LRRC4C: variants seen among roughly 807,000 people sequenced by gnomAD.
The protein encoded by LRRC4C is leucine rich repeat containing 4C, also known as leucine-rich repeat-containing protein 4C.
In LRRC4C, 5 loss-of-function variants were observed where a neutral mutation model predicts 33.6. The observed-to-expected ratio is 0.15, with a 90% confidence interval of 0.08 to 0.31. The LOEUF is 0.31. Ranked by LOEUF, LRRC4C falls within the 10% of genes least tolerant of loss-of-function variation. The probability of loss-of-function intolerance (pLI) is 1.00; values close to 1 mark genes in which losing one functional copy is unlikely to be tolerated. For synonymous variants in LRRC4C, 329 were observed against 302.0 expected (o/e 1.09, Z -0.93); for missense variants, 560 against 796.7 (o/e 0.70, Z 3.58).
At chr11:41,291,830 T>C (rs562075302) in intron 1 of LRRC4C, among the ~76,000 whole-genome samples, 1 of 152,162 alleles carries the variant, frequency 6.6e-6, no homozygotes, top group Admixed American at 6.5e-5. Flanking sequence ...ATTTATAATA[T>C]CTGTGTGGGC....
intron 3 of LRRC4C, among the ~76,000 whole-genome samples, chr11:40,587,225 CT>C (rs1433061003): frequency 6.7e-6 from 1 of 150,258 alleles, no homozygotes; most frequent in Non-Finnish European, 1.5e-5. Flanking sequence ...GTATTTTATT[CT>C]CTTTGAAGCA....
At chr11:40,898,928 C>T (rs990977713) in intron 2 of LRRC4C, among the ~76,000 whole-genome samples, 9 of 152,114 alleles carry the variant, frequency 5.9e-5, no homozygotes, top group Non-Finnish European at 1.3e-4. Context: ...AAAGAACTAG[C>T]TCATCCTATT....
At chr11:41,350,166 T>C (rs1951929768) in intron 1 of LRRC4C, among the ~76,000 whole-genome samples, 1 of 152,194 alleles carries the variant, frequency 6.6e-6, no homozygotes, top group Admixed American at 6.5e-5. Flanking sequence ...TGTATAGATC[T>C]GAGGTCCCCA....
intron 2 of LRRC4C, among the ~76,000 whole-genome samples, chr11:40,686,367 G>C (rs893129808): frequency 6.6e-6 from 1 of 152,166 alleles, no homozygotes; most frequent in African/African-American, 2.4e-5. Context: ...GCTCAAGCTA[G>C]TGGAATGTAG....
At chr11:41,218,184 T>C (rs1414723647) in intron 1 of LRRC4C, among the ~76,000 whole-genome samples, 32 of 151,746 alleles carry the variant, frequency 2.1e-4, no homozygotes, top group Non-Finnish European at 2.9e-5. Flanking sequence ...TTCACCCATA[T>C]CTAACACAGT....
At chr11:40,386,552 G>T (rs1360910445) in intron 3 of LRRC4C, among the ~76,000 whole-genome samples, 3 of 152,002 alleles carry the variant, frequency 2.0e-5, no homozygotes, top group Non-Finnish European at 4.4e-5. Flanking sequence ...TAGTACTTCT[G>T]GTAAACTGCA....
intron 5 of LRRC4C, among the ~76,000 whole-genome samples, chr11:40,213,284 G>GTCT (rs1013228181): frequency 1.3e-5 from 2 of 152,074 alleles, no homozygotes; most frequent in Non-Finnish European, 2.9e-5. Context: ...TTGGATTTTG[G>GTCT]TCTTCTTCTT....
chr11:40,568,394 T>G (rs12289585), intron 3 of LRRC4C, among the ~76,000 whole-genome samples: 3,745 of 152,290 alleles, frequency 0.025, 66 homozygotes, highest in South Asian at 0.034. Context: ...ATTGCAGGCT[T>G]TTGAGAGCCC....
chr11:40,671,795 C>T (rs1384428774), intron 2 of LRRC4C, among the ~76,000 whole-genome samples: 1 of 150,728 alleles, frequency 6.6e-6, no homozygotes, highest in Admixed American at 6.6e-5. Context: ...TTTATAATTA[C>T]TCTGTTTTAT....
intron 5 of LRRC4C, among the ~76,000 whole-genome samples, chr11:40,159,868 T>C (rs929068652): frequency 3.9e-5 from 6 of 152,222 alleles, no homozygotes; most frequent in Admixed American, 3.9e-4. Flanking sequence ...AAGGATACTA[T>C]ATAACTTGTT....
At chr11:40,485,631 T>C (rs1278103978) in intron 3 of LRRC4C, among the ~76,000 whole-genome samples, 2 of 152,006 alleles carry the variant, frequency 1.3e-5, no homozygotes, top group African/African-American at 4.8e-5. Context: ...TTAACACCAT[T>C]CAATCCAGCA....
chr11:41,087,065 A>G (rs971875568), intron 1 of LRRC4C, among the ~76,000 whole-genome samples: 44 of 152,310 alleles, frequency 2.9e-4, no homozygotes, highest in African/African-American at 9.9e-4. Context: ...AAACATGAAC[A>G]TGGAATAAAT....
intron 1 of LRRC4C, among the ~76,000 whole-genome samples, chr11:41,448,165 C>T (rs1388268327): frequency 2.6e-5 from 2 of 78,348 alleles, no homozygotes; most frequent in African/African-American, 4.4e-5. Context: ...CATCAGTGTC[C>T]ACAGTATTTC....
At chr11:40,569,461 T>C (rs573964299) in intron 3 of LRRC4C, among the ~76,000 whole-genome samples, 1 of 152,172 alleles carries the variant, frequency 6.6e-6, no homozygotes, top group Non-Finnish European at 1.5e-5. Flanking sequence ...CCTGAGCTCA[T>C]TTATTAACTC....
chr11:40,434,878 A>G (rs575436000), intron 3 of LRRC4C, among the ~76,000 whole-genome samples: 2 of 152,202 alleles, frequency 1.3e-5, no homozygotes, highest in African/African-American at 2.4e-5. Flanking sequence ...AGAGAAAGAG[A>G]GAATGATGAA....
intron 3 of LRRC4C, among the ~76,000 whole-genome samples, chr11:40,323,920 G>A (rs1367005838): frequency 6.6e-6 from 1 of 152,178 alleles, no homozygotes. Context: ...AAGAAATGAG[G>A]CTTCAAAACC....
chr11:41,002,482 T>C (rs1395786867), intron 1 of LRRC4C, among the ~76,000 whole-genome samples: 1 of 152,132 alleles, frequency 6.6e-6, no homozygotes, highest in East Asian at 1.9e-4. Flanking sequence ...TTCTGGGCAG[T>C]CATCAGACAG....
chr11:41,354,950 C>T (rs774720133), intron 1 of LRRC4C, among the ~76,000 whole-genome samples: 18 of 152,064 alleles, frequency 1.2e-4, no homozygotes, highest in Admixed American at 6.6e-4. Flanking sequence ...AAAGATTTCA[C>T]AACAAAGTCT....
chr11:41,018,129 C>A (rs1362295082), intron 1 of LRRC4C, among the ~76,000 whole-genome samples: 2 of 151,976 alleles, frequency 1.3e-5, no homozygotes, highest in African/African-American at 2.4e-5. Flanking sequence ...ATTAAGACTG[C>A]AAATTTAAAA....
Sources: gnomAD v4.1 joint callset for allele counts (sites outside exome capture counted in the v4.1 genomes callset) on GRCh38, gnomAD v4.1.1 for gene constraint, MANE v1.5 for transcripts, NCBI Gene and HGNC (gene_info 2026-07-23, HGNC 2026-07-21) for gene names.